The following DENND2C variants were observed in gnomAD, a reference collection of about 807,000 sequenced individuals.
DENND2C encodes the protein DENN domain-containing protein 2C.
A neutral mutation model predicts 112.4 loss-of-function variants in DENND2C; 72 were observed. The ratio of observed to expected loss-of-function variants is 0.64; its 90% CI spans 0.53 to 0.78. DENND2C has a LOEUF of 0.78. DENND2C is among the 30% of genes least tolerant of loss of function. The probability of loss-of-function intolerance (pLI) is 0.00; values close to 1 mark genes in which losing one functional copy is unlikely to be tolerated. For synonymous variants in DENND2C, 329 were observed against 381.6 expected (o/e 0.86, Z 1.61); for missense variants, 992 against 1,113.8 (o/e 0.89, Z 1.56).
At chr1:114,636,023 T>C (rs1656647497) in intron 3 of DENND2C, among the ~76,000 whole-genome samples, 1 of 149,710 alleles carries the variant, frequency 6.7e-6, no homozygotes, top group South Asian at 2.1e-4. Context: ...AATAAATAAA[T>C]AAAACATATA....
intron 2 of DENND2C, among the ~76,000 whole-genome samples, chr1:114,650,461 G>A (rs1382409202): frequency 2.0e-5 from 3 of 151,140 alleles, no homozygotes; most frequent in Non-Finnish European, 4.4e-5. Flanking sequence ...TCAGGAGATC[G>A]AGACCATCCT....
At chr1:114,591,977 C>T (rs1043543843) in intron 18 of DENND2C, among the ~76,000 whole-genome samples, 8 of 151,868 alleles carry the variant, frequency 5.3e-5, no homozygotes, top group South Asian at 2.1e-4. Context: ...CTCCACCTCC[C>T]GGGTTCAAGC....
intron 1 of DENND2C, among the ~76,000 whole-genome samples, chr1:114,663,701 G>C (rs1242130548): frequency 6.6e-6 from 1 of 152,130 alleles, no homozygotes; most frequent in African/African-American, 2.4e-5. Flanking sequence ...TGGGTGGAAA[G>C]ATCAAATAAG....
At chr1:114,610,234 A>G (rs1250003317) in intron 9 of DENND2C, among the ~76,000 whole-genome samples, 1 of 152,232 alleles carries the variant, frequency 6.6e-6, no homozygotes, top group African/African-American at 2.4e-5. Flanking sequence ...AGGCACCATG[A>G]AGTGCTTGGA....
At position 114,623,027 on chromosome 1, in the gene DENND2C, C is replaced by CA; in HGVS notation, c.1015dup (p.Trp339LeufsTer7). 1 of 1,613,296 alleles carries CA rather than the reference C, an allele frequency of 6.2e-7. No individual in the cohort carries two copies. Among genetic ancestry groups the CA allele is most frequent in the Non-Finnish European group, 8.5e-7 (1 of 1,179,574 alleles). On this transcript the variant is annotated frameshift_variant, in exon 6 of 21. Coordinates refer to ENST00000393274, the MANE Select transcript of DENND2C (RefSeq NM_001256404.2). LOFTEE classifies it high-confidence loss of function. Reference sequence around the variant, plus strand: ...AGCACTTTTAGCGGGTGGTAGCTTCCATGCTGAAGGGGATCTCCACATAGG... The same window carrying CA: ...AGCACTTTTAGCGGGTGGTAGCTTCCAATGCTGAAGGGGATCTCCACATAGG...
At chr1:114,649,202 G>A (rs749041821) in intron 2 of DENND2C, among the ~76,000 whole-genome samples, 8 of 151,996 alleles carry the variant, frequency 5.3e-5, no homozygotes, top group Admixed American at 3.3e-4. Flanking sequence ...TAATCAGCCC[G>A]CCTTGGCCTC....
At chr1:114,665,492 C>A (rs1657623441) in intron 1 of DENND2C, among the ~76,000 whole-genome samples, 1 of 152,082 alleles carries the variant, frequency 6.6e-6, no homozygotes, top group South Asian at 2.1e-4. Context: ...ATGATGGTGC[C>A]AAAGCAGTAT....
At chr1:114,616,492 T>G (rs148187084) in intron 8 of DENND2C, among the ~76,000 whole-genome samples, 29 of 152,268 alleles carry the variant, frequency 1.9e-4, no homozygotes, top group African/African-American at 7.0e-4. Context: ...ACTAAGGAAC[T>G]TATAAACAAA....
At chr1:114,619,407 A>G (rs1656098752) in intron 7 of DENND2C, among the ~76,000 whole-genome samples, 1 of 152,220 alleles carries the variant, frequency 6.6e-6, no homozygotes, top group Non-Finnish European at 1.5e-5. Flanking sequence ...GATAACAACC[A>G]ATAAAGTTGC....
At chr1:114,636,946 T>C (rs898079490) in intron 3 of DENND2C, among the ~76,000 whole-genome samples, 4 of 151,456 alleles carry the variant, frequency 2.6e-5, no homozygotes, top group African/African-American at 9.7e-5. Context: ...TACAACAGCA[T>C]AAAAACATGA....
Position 114,625,661 on chromosome 1 carries a change from A to T in DENND2C, c.324T>A (p.Phe108Leu), listed in dbSNP as rs976280740. 6.2e-7 allele frequency: 1 copy of T among 1,614,068 alleles called. No individual in the cohort carries two copies. The highest frequency in any genetic ancestry group is 1.1e-5 in the South Asian group (1 of 91,072). ...CCCAGTTGGATTCTGATTCATTTTTAAAGAAGTGTGTATCGTCATATTCAT... is the reference window on the plus strand; with the variant it reads ...CCCAGTTGGATTCTGATTCATTTTTTAAGAAGTGTGTATCGTCATATTCAT... ...KKHEYDDTHF[F>L]KNESESNWVC... The change falls in exon 4 of 21, where the codon TTT (phenylalanine) becomes TTA (leucine). Residue 108 changes from phenylalanine to leucine, a missense_variant. Phe to Leu is a conservative substitution (Grantham distance 22, BLOSUM62 0). Around this residue, in one of 3 missense-constraint regions of DENND2C, gnomAD observed 470 missense variants for 472.7 expected, o/e 0.99. Coordinates refer to ENST00000393274, the MANE Select transcript of DENND2C (RefSeq NM_001256404.2).
At chr1:114,587,310 G>A (rs748421916) in intron 20 of DENND2C, 77 bp downstream of exon 20, 1 of 1,519,838 alleles carries the variant, frequency 6.6e-7, no homozygotes, top group Non-Finnish European at 9.1e-7. Context: ...ACCTCGCAAA[G>A]TGCTGGAATT....
At position 114,600,904 on chromosome 1, in the gene DENND2C, G is replaced by A; in HGVS notation, c.1872C>T (p.Phe624=). 6.2e-7 allele frequency: 1 copy of A among 1,614,054 alleles called. No homozygotes were observed. The highest frequency in any genetic ancestry group is 8.5e-7 in the Non-Finnish European group (1 of 1,179,946). The change falls in exon 14 of 21, where the codon TTC becomes TTT. Residue 624 remains phenylalanine, a synonymous_variant. Transcript: ENST00000393274. ...AAGGAGCTTCCATGACACTTCGCAT[G>A]AATGGGTAAACAAGGGCTGGAGACA... is the stretch of plus-strand genomic sequence containing the variant. ...REMSPALVYP[F]MRSVMEAPFP...
rs183308265 is a variant in DENND2C at position 114,667,576 on chromosome 1, G to C, written c.-574+2407C>G. Among the ~76,000 whole-genome samples the C allele has an allele frequency of 5.3e-5, 8 of 152,184 alleles. No homozygotes were observed. The East Asian group carries it at 1.5e-3, about 29-fold the overall frequency. On this transcript the variant is annotated intron_variant, in intron 1 of 20. Coordinates refer to ENST00000393274, the MANE Select transcript of DENND2C (RefSeq NM_001256404.2). ...TTCACTGGCAACAATAACAAAAAAAGGGTTCCCACAGATAAACTATAATTA... is the reference window on the plus strand; with the variant it reads ...TTCACTGGCAACAATAACAAAAAAACGGTTCCCACAGATAAACTATAATTA...
intron 7 of DENND2C, among the ~76,000 whole-genome samples, chr1:114,619,512 C>G (rs997603950): frequency 6.6e-6 from 1 of 152,106 alleles, no homozygotes; most frequent in Non-Finnish European, 1.5e-5. Flanking sequence ...AAACCACTGT[C>G]CCCTGCCAAC....
intron 1 of DENND2C, among the ~76,000 whole-genome samples, chr1:114,658,640 A>G (rs764156085): frequency 5.3e-5 from 8 of 152,110 alleles, no homozygotes; most frequent in African/African-American, 1.7e-4. Context: ...GGGAAAATCG[A>G]TATTTTTTAA....
At chr1:114,643,696 C>T (rs1656904448) in intron 3 of DENND2C, among the ~76,000 whole-genome samples, 1 of 152,088 alleles carries the variant, frequency 6.6e-6, no homozygotes, top group African/African-American at 2.4e-5. Flanking sequence ...ATTTCTCAAG[C>T]CATTACTGTG....
At chr1:114,660,420 T>C (rs887233173) in intron 1 of DENND2C, among the ~76,000 whole-genome samples, 7 of 152,152 alleles carry the variant, frequency 4.6e-5, no homozygotes, top group African/African-American at 1.7e-4. Context: ...GCCTATTGTT[T>C]TTGCTGGAGG....
chr1:114,600,311 A>G lies in DENND2C; in HGVS notation c.1998T>C (p.His666=), dbSNP rs941347060. ...ACTTAAAGAGACATTTAAAATCAAC[A>G]TGTTCCAATCGGGAATCTAGTGGTC... ...LCRPLDSRLE[H]VDFKCLFKCL... is the part of the protein sequence containing the mutation. Residue 666 remains histidine (H), a synonymous_variant, in exon 15 of 21, where the codon CAT becomes CAC. Coordinates refer to ENST00000393274, the MANE Select transcript of DENND2C (RefSeq NM_001256404.2). The G allele has an allele frequency of 1.2e-6, 2 of 1,614,104 alleles. No individual in the cohort carries two copies. Among genetic ancestry groups the G allele is most frequent in the East Asian group, 2.2e-5 (1 of 44,862 alleles).
Sources: gnomAD v4.1 joint callset for allele counts (sites outside exome capture counted in the v4.1 genomes callset) on GRCh38, gnomAD v4.1.1 for gene constraint, gnomAD v4.1.1 regional missense constraint, MANE v1.5 for transcripts, NCBI Gene and HGNC (gene_info 2026-07-23, HGNC 2026-07-21) for gene names.